The following ZNF462 variants were observed in gnomAD, a reference collection of about 807,000 sequenced individuals.
ZNF462 encodes the protein zinc finger protein 462.
Under a neutral mutation model 201.9 loss-of-function variants are expected in ZNF462, and 10 were observed. The ratio of observed to expected loss-of-function variants is 0.05; its 90% CI spans 0.03 to 0.08. The LOEUF (loss-of-function observed/expected upper bound fraction) is 0.08. Ranked by LOEUF, ZNF462 falls within the 10% of genes least tolerant of loss-of-function variation. The pLI is 1.00. For synonymous variants in ZNF462, 1,227 were observed against 1,193.3 expected, an observed-to-expected ratio of 1.03 and a Z score of -0.58; for missense variants, 2,523 against 3,168.3, an observed-to-expected ratio of 0.80 and a Z score of 4.89.
At chr9:107,004,631 G>A (rs571493579) in intron 11 of ZNF462, among the ~76,000 whole-genome samples, 10 of 152,000 alleles carry the variant, frequency 6.6e-5, no homozygotes, top group Admixed American at 3.9e-4. Flanking sequence ...TATTTATGAT[G>A]TACAACATGT....
chr9:106,928,192 T>C lies in ZNF462; in HGVS notation c.4280T>C (p.Val1427Ala), dbSNP rs1830280010. ...ILSSEELAGP[V>A]NCENSIPTPF... The stretch of plus-strand genomic sequence containing the variant: ...TCATCCGAAGAGTTGGCAGGCCCTG[T>C]GAATTGTGAAAACAGTATACCCACC... The change falls in exon 3 of 13, where the codon GTG becomes GCG. Residue 1427 changes from valine (V) to alanine (A), a missense_variant. Physicochemically the swap from Val to Ala is moderately conservative, Grantham distance 64. Transcript: ENST00000277225. The surrounding 1 kb of genome is among the most constrained non-coding windows in gnomAD (Gnocchi z 9.3). 2 of 1,613,828 alleles carry C rather than the reference T, an allele frequency of 1.2e-6. No homozygotes were observed. The highest frequency in any genetic ancestry group is 1.7e-6 in the Non-Finnish European group (2 of 1,180,024).
In ZNF462 at chr9:106,947,080, G is replaced by A. The variant is rs1350443496; in HGVS notation, c.6427+7973G>A. ...TGACATGAGGGGCAAGTATACAGCT[G>A]GGAGAATCTGCTTGCTCTCTGCTGG... On this transcript the variant is annotated intron_variant, in intron 7 of 12. Coordinates refer to ENST00000277225, the MANE Select transcript of ZNF462 (RefSeq NM_021224.6). Among the ~76,000 whole-genome samples, 3 of 152,170 alleles carry A rather than the reference G, an allele frequency of 2.0e-5. No individual in the cohort carries two copies. In the East Asian group the frequency reaches 5.8e-4, roughly 29 times the overall value.
In ZNF462 at chr9:106,993,547, C is replaced by T. The variant is rs1828448612; in HGVS notation, c.7056+9138C>T. Among the ~76,000 whole-genome samples, 1 of 151,960 alleles carries T rather than the reference C, an allele frequency of 6.6e-6. No individual in the cohort carries two copies. The highest frequency in any genetic ancestry group is 6.6e-5 in the Admixed American group (1 of 15,242). Reference sequence around the variant, plus strand: ...TTTTATTTTTTTATCCTGTGACTCCCTGTCTGTTTTTAATCTCAGTGGGTC... The same window carrying T: ...TTTTATTTTTTTATCCTGTGACTCCTTGTCTGTTTTTAATCTCAGTGGGTC... On this transcript the variant is annotated intron_variant, in intron 10 of 12. Coordinates refer to ENST00000277225, the MANE Select transcript of ZNF462 (RefSeq NM_021224.6). The surrounding 1 kb of genome is among the most constrained non-coding windows in gnomAD (Gnocchi z 4.0).
At chr9:106,995,693 G>A (rs1828654866) in intron 10 of ZNF462, 2 of 152,020 alleles carry the variant, frequency 1.3e-5, no homozygotes, top group South Asian at 4.1e-4. Flanking sequence ...AAAACTACTG[G>A]GGGCATTTTT....
chr9:106,987,147 C>T (rs1473144752), intron 10 of ZNF462, among the ~76,000 whole-genome samples: 5 of 152,148 alleles, frequency 3.3e-5, no homozygotes, highest in African/African-American at 2.4e-5. Context: ...GTATCTTTTT[C>T]GAATAGTGAC....
At chr9:106,965,994 C>T (rs1348235107) in intron 7 of ZNF462, among the ~76,000 whole-genome samples, 3 of 152,070 alleles carry the variant, frequency 2.0e-5, no homozygotes, top group Admixed American at 6.6e-5. Flanking sequence ...ATTTTCTTCA[C>T]TAGAAATAAT....
rs1318359299 is a variant in ZNF462 at position 106,972,368 on chromosome 9, A to T, written c.6695+96A>T. 8 of 1,506,624 alleles carry T rather than the reference A, an allele frequency of 5.3e-6. No homozygotes were observed. In the East Asian group the frequency reaches 1.8e-4, roughly 34 times the overall value. 93.3% of individuals were successfully genotyped at this position (1,506,624 alleles called of 1,614,324 possible). A position where few individuals can be genotyped will look rare whatever the true frequency, so the allele number is the denominator to read the frequency against. ...CCTTACACTTTCCTACTTGGAGCTT[A>T]TGGGAGGCCCTGCCCATGTGATGAT... On this transcript the variant is annotated intron_variant, in intron 8 of 12. Transcript: ENST00000277225. This position sits in a 1 kb window ranked among gnomAD's most constrained non-coding sequence, Gnocchi z 4.8.
chr9:106,907,707 A>T (rs1351415094), intron 1 of ZNF462, among the ~76,000 whole-genome samples: 2 of 151,998 alleles, frequency 1.3e-5, no homozygotes, highest in African/African-American at 4.8e-5. Flanking sequence ...CTTATGATGT[A>T]ATATATTGAT....
rs537039835 is a variant in ZNF462 at position 106,951,636 on chromosome 9, A to G, written c.6427+12529A>G. Reference sequence around the variant, plus strand: ...CCAGCCGCACAGCACTAGCCCAGGCAGAGCAGCTTTCACTGTGCTCCTGGG... The same window carrying G: ...CCAGCCGCACAGCACTAGCCCAGGCGGAGCAGCTTTCACTGTGCTCCTGGG... On this transcript the variant is annotated intron_variant, in intron 7 of 12. Coordinates refer to ENST00000277225, the MANE Select transcript of ZNF462 (RefSeq NM_021224.6). Among the ~76,000 whole-genome samples, 3 of 152,276 alleles carry G rather than the reference A, an allele frequency of 2.0e-5. No individual in the cohort carries two copies. In the South Asian group the frequency reaches 6.2e-4, roughly 32 times the overall value.
At chr9:106,956,502 T>A (rs1250036947) in intron 7 of ZNF462, among the ~76,000 whole-genome samples, 1 of 152,164 alleles carries the variant, frequency 6.6e-6, no homozygotes, top group East Asian at 1.9e-4. Context: ...AAAGCACTGC[T>A]GTCAACATAA....
In ZNF462 at chr9:106,924,580, T is replaced by C; in HGVS notation, c.668T>C (p.Val223Ala). The change falls in exon 3 of 13, where the codon GTT becomes GCT. Residue 223 changes from valine (V) to alanine (A), a missense_variant. Physicochemically the swap from Val to Ala is moderately conservative, Grantham distance 64. This residue lies in a region of ZNF462 where 480 missense variants were observed against 544.4 expected (regional missense o/e 0.88). Coordinates refer to ENST00000277225, the MANE Select transcript of ZNF462 (RefSeq NM_021224.6). The surrounding 1 kb of genome is among the most constrained non-coding windows in gnomAD (Gnocchi z 6.2). ...CCCTGCAAGGAACTGCCAGCAGAGG[T>C]TGTGGAGCGCAGCATCTTAGAGTCT... ...QDPCKELPAE[V>A]VERSILESMV... is the part of the protein sequence containing the mutation. 1 of 1,613,874 alleles carries C rather than the reference T, an allele frequency of 6.2e-7. No homozygotes were observed. Among genetic ancestry groups the C allele is most frequent in the Non-Finnish European group, 8.5e-7 (1 of 1,179,952 alleles).
intron 10 of ZNF462, among the ~76,000 whole-genome samples, chr9:107,002,179 T>C (rs1232378584): frequency 6.6e-6 from 1 of 152,152 alleles, no homozygotes; most frequent in East Asian, 1.9e-4. Flanking sequence ...TCTAGCTGTG[T>C]CCTCATCATC....
intron 7 of ZNF462, among the ~76,000 whole-genome samples, chr9:106,955,030 C>T (rs1403257368): frequency 6.6e-6 from 1 of 152,078 alleles, no homozygotes; most frequent in African/African-American, 2.4e-5. Flanking sequence ...CTCCAGAGCC[C>T]CACTGTCTTC....
intron 1 of ZNF462, among the ~76,000 whole-genome samples, chr9:106,864,076 C>CTCTGTCTCTCTG (rs1827196286): frequency 3.0e-5 from 4 of 135,068 alleles, no homozygotes; most frequent in African/African-American, 1.1e-4. Context: ...CTCTCTCTCT[C>CTCTGTCTCTCTG]TCTCTCTCTC....
intron 1 of ZNF462, among the ~76,000 whole-genome samples, chr9:106,879,778 C>G (rs965972179): frequency 1.3e-5 from 2 of 152,060 alleles, no homozygotes; most frequent in African/African-American, 4.8e-5. Context: ...TGTCTAGTTC[C>G]CCTGGAAAGA....
rs749387826 is a variant in ZNF462 at position 106,935,658 on chromosome 9, ACT to A, written c.6235+42_6235+43del. The A allele has an allele frequency of 1.0e-5, 16 of 1,543,974 alleles. No homozygotes were observed. In the East Asian group the frequency reaches 1.1e-4, roughly 11 times the overall value. Reference sequence around the variant, plus strand: ...ATTGATGATGCACAAGTTCTTTAGCACTCTCTGAGTTTGAAACCTGATGATCT... The same window carrying A: ...ATTGATGATGCACAAGTTCTTTAGCACTCTGAGTTTGAAACCTGATGATCT... On this transcript the variant is annotated intron_variant, in intron 6 of 12. Transcript: ENST00000277225. The surrounding 1 kb of genome is among the most constrained non-coding windows in gnomAD (Gnocchi z 4.1).
rs1271337013 is a variant in ZNF462, at chr9:106,981,898, A to C, written c.6833-2288A>C. ...CTTCACCGTAGAGGTCAACGGAACC[A>C]AGGCAGGCAGGACAGGGCAAAGCCA... On this transcript the variant is annotated intron_variant, in intron 9 of 12. Transcript: ENST00000277225. The surrounding 1 kb of genome is among the most constrained non-coding windows in gnomAD (Gnocchi z 4.0). Among the ~76,000 whole-genome samples, 1 of 152,226 alleles carries C rather than the reference A, an allele frequency of 6.6e-6. No homozygotes were observed.
Position 107,011,950 on chromosome 9 carries a change from G to A in ZNF462, c.*920G>A, listed in dbSNP as rs1034293213. On this transcript the variant is annotated 3_prime_UTR_variant, in exon 13 of 13. Transcript: ENST00000277225. This position sits in a 1 kb window ranked among gnomAD's most constrained non-coding sequence, Gnocchi z 5.6. ...ACATGTTTATTTTCTATCAATTTGA[G>A]TGTTACAAACACAGCACAATTCAGT... 6.6e-6 allele frequency: 1 copy of A among 152,066 alleles called. No homozygotes were observed. The highest frequency in any genetic ancestry group is 2.4e-5 in the African/African-American group (1 of 41,422). 9.4% of individuals were successfully genotyped at this position (152,066 alleles called of 1,614,324 possible).
intron 7 of ZNF462, among the ~76,000 whole-genome samples, chr9:106,943,057 C>CGT (rs577655863): frequency 0.043 from 5,904 of 136,720 alleles, 146 homozygotes; most frequent in East Asian, 0.08. Flanking sequence ...GTTTTGCGCG[C>CGT]GCGTGTGTGT....
Sources: allele counts gnomAD v4.1 joint callset (sites outside exome capture counted in the v4.1 genomes callset), GRCh38; gene constraint gnomAD v4.1.1; regional missense constraint gnomAD v4.1.1; non-coding constraint Gnocchi (gnomAD v3.1); transcripts MANE v1.5; gene names NCBI Gene and HGNC (gene_info 2026-07-23, HGNC 2026-07-21).